The following SLC16A7 variants were observed in gnomAD, a reference collection of about 807,000 sequenced individuals.
SLC16A7 encodes the protein monocarboxylate transporter 2.
SLC16A7 carries 33 observed loss-of-function variants against 34.9 expected under a neutral mutation model. The ratio of observed to expected loss-of-function variants is 0.94; its 90% confidence interval spans 0.72 to 1.26. The LOEUF is 1.26. Ranked by LOEUF, SLC16A7 falls within the 50% of genes most tolerant of loss-of-function variation. The pLI is 0.00. For missense variants in SLC16A7, 573 were observed against 578.1 expected (o/e 0.99, Z 0.09); for synonymous variants, 201 against 206.6 (o/e 0.97, Z 0.23).
At chr12:59,736,862 C>G (rs975618724) in intron 3 of SLC16A7, among the ~76,000 whole-genome samples, 2 of 152,212 alleles carry the variant, frequency 1.3e-5, no homozygotes. Context: ...GCCTTCCAAT[C>G]CCTCCCACTG....
intron 1 of SLC16A7, among the ~76,000 whole-genome samples, chr12:59,618,570 A>G (rs1879560121): frequency 6.6e-6 from 1 of 151,488 alleles, no homozygotes; most frequent in Non-Finnish European, 1.5e-5. Context: ...CTGTAATTAA[A>G]ATAAATATTA....
At chr12:59,710,228 C>A (rs576652172) in intron 3 of SLC16A7, among the ~76,000 whole-genome samples, 1 of 152,296 alleles carries the variant, frequency 6.6e-6, no homozygotes, top group African/African-American at 2.4e-5. Flanking sequence ...ACCTATTAAT[C>A]ACTACTGTGG....
chr12:59,779,787 C>A lies in SLC16A7; in HGVS notation c.*108C>A. 1.2e-6 allele frequency: 1 copy of A among 844,084 alleles called. No homozygotes were observed. Among genetic ancestry groups the A allele is most frequent in the Non-Finnish European group, 1.8e-6 (1 of 556,266 alleles). The allele number at this position is 844,084 out of a possible 1,614,324, so 52.3% of individuals were successfully genotyped here. The stretch of plus-strand genomic sequence containing the variant: ...AGGTTTTAGCTGAAATGAGGAGTCA[C>A]AATTAAGGATGGAGGTGATATTTTC... On this transcript the variant is annotated 3_prime_UTR_variant, in exon 6 of 6. Transcript: ENST00000547379.
chr12:59,774,046 AG>A (rs1882492471), intron 4 of SLC16A7, among the ~76,000 whole-genome samples: 2 of 152,228 alleles, frequency 1.3e-5, no homozygotes, highest in African/African-American at 4.8e-5. Context: ...CTATGTTTCA[AG>A]CAAAAACCTC....
At position 59,771,249 on chromosome 12, in the gene SLC16A7, A is replaced by G; in HGVS notation, c.248A>G (p.Tyr83Cys). 6.2e-7 allele frequency: 1 copy of G among 1,613,318 alleles called. No individual in the cohort carries two copies. The change falls in exon 4 of 6, where the codon TAC becomes TGC. Residue 83 changes from tyrosine (Y) to cysteine (C), a missense_variant. Transcript: ENST00000547379. ...GPVSSVLVNK[Y>C]GSRPVVIAGG... ...GTAAGTAGTGTTTTGGTGAATAAAT[A>G]CGGCAGCCGGCCGGTGGTGATAGCA...
At chr12:59,652,236 A>G (rs1327388209) in intron 1 of SLC16A7, among the ~76,000 whole-genome samples, 3 of 151,990 alleles carry the variant, frequency 2.0e-5, no homozygotes, top group Non-Finnish European at 4.4e-5. Context: ...TTTCACTTTT[A>G]TTATTCTGTA....
At chr12:59,633,100 T>C (rs1233382513) in intron 1 of SLC16A7, among the ~76,000 whole-genome samples, 4 of 152,058 alleles carry the variant, frequency 2.6e-5, no homozygotes, top group Non-Finnish European at 5.9e-5. Flanking sequence ...TACATTTTTC[T>C]GATCCTTGTA....
At position 59,775,031 on chromosome 12, in the gene SLC16A7, G is replaced by A; in HGVS notation, c.736G>A (p.Gly246Arg). ...AGATTTCTCCCTTTTTAAGCATAGA[G>A]GATTTCTGATATATCTGTCTGGAAA... ...YLDFSLFKHR[G>R]FLIYLSGNVI... The change falls in exon 5 of 6, where the codon GGA becomes AGA. Residue 246 changes from glycine (G) to arginine (R), a missense_variant. Physicochemically the swap from Gly to Arg is moderately radical, Grantham distance 125. Coordinates refer to ENST00000547379, the MANE Select transcript of SLC16A7 (RefSeq NM_001270623.2). 2 of 1,614,006 alleles carry A rather than the reference G, an allele frequency of 1.2e-6. No individual in the cohort carries two copies. Among genetic ancestry groups the A allele is most frequent in the South Asian group, 1.1e-5 (1 of 91,070 alleles).
chr12:59,680,705 T>A (rs1870679274), intron 2 of SLC16A7, among the ~76,000 whole-genome samples: 1 of 152,216 alleles, frequency 6.6e-6, no homozygotes, highest in African/African-American at 2.4e-5. Flanking sequence ...TTCATGTTTT[T>A]TTTTTAGCCC....
intron 3 of SLC16A7, among the ~76,000 whole-genome samples, chr12:59,739,043 TA>T (rs1218080431): frequency 2.7e-5 from 4 of 150,128 alleles, no homozygotes; most frequent in Admixed American, 6.7e-5. Flanking sequence ...TTTATTTATT[TA>T]TTTTATTATT....
At chr12:59,753,843 C>G (rs1013735375) in intron 3 of SLC16A7, among the ~76,000 whole-genome samples, 1 of 152,088 alleles carries the variant, frequency 6.6e-6, no homozygotes, top group Admixed American at 6.5e-5. Flanking sequence ...CAAAATTGAC[C>G]ACATACTTGG....
chr12:59,733,563 C>G (rs923550097), intron 3 of SLC16A7, among the ~76,000 whole-genome samples: 1 of 152,144 alleles, frequency 6.6e-6, no homozygotes, highest in South Asian at 2.1e-4. Context: ...GACACAGAGC[C>G]CCAAAGGGTG....
intron 2 of SLC16A7, among the ~76,000 whole-genome samples, chr12:59,696,722 T>C (rs936623426): frequency 2.6e-5 from 4 of 151,872 alleles, no homozygotes; most frequent in African/African-American, 7.3e-5. Context: ...GAGGAAGAGG[T>C]GACAGTGTTG....
intron 2 of SLC16A7, among the ~76,000 whole-genome samples, chr12:59,672,395 C>T (rs947262110): frequency 2.7e-5 from 4 of 150,758 alleles, no homozygotes; most frequent in South Asian, 4.2e-4. Context: ...GCCGGACCAG[C>T]GCTAGGCCTG....
At chr12:59,633,781 T>C (rs765646134) in intron 1 of SLC16A7, among the ~76,000 whole-genome samples, 1 of 150,314 alleles carries the variant, frequency 6.7e-6, no homozygotes, top group Non-Finnish European at 1.5e-5. Context: ...TCAGGGGAGG[T>C]GCTACACTTT....
chr12:59,654,615 A>G (rs1289581673), intron 1 of SLC16A7, among the ~76,000 whole-genome samples: 1 of 151,866 alleles, frequency 6.6e-6, no homozygotes, highest in Admixed American at 6.6e-5. Flanking sequence ...TTTAATTAAG[A>G]CATTAATGTA....
At position 59,709,253 on chromosome 12, in the gene SLC16A7, G is replaced by A. The variant is rs112682453; in HGVS notation, c.217+4235G>A. On this transcript the variant is annotated intron_variant, in intron 3 of 5. Transcript: ENST00000547379. ...TGACTTGGAAGAATCAGCCATTCTG[G>A]AGAGAAGAATTGGCTTTGTCTCCAT... 4.0e-3 allele frequency among the ~76,000 whole-genome samples: 614 copies of A among 151,628 alleles called. 7 individuals carry two copies. Among genetic ancestry groups the A allele is most frequent in the Non-Finnish European group, 6.5e-3 (445 of 67,996 alleles).
intron 1 of SLC16A7, among the ~76,000 whole-genome samples, chr12:59,603,369 C>A (rs1337257046): frequency 4.6e-5 from 7 of 152,196 alleles, no homozygotes; most frequent in Non-Finnish European, 8.8e-5. Flanking sequence ...ATGTTCATCT[C>A]CCACTACCAT....
intron 3 of SLC16A7, chr12:59,733,589 A>G: frequency 2.6e-6 from 1 of 389,500 alleles, no homozygotes; most frequent in South Asian, 1.9e-5. Flanking sequence ...GCCCTGGCTC[A>G]GGGATCCTAG....
Sources: gnomAD v4.1 joint callset for allele counts (sites outside exome capture counted in the v4.1 genomes callset) on GRCh38, gnomAD v4.1.1 for gene constraint, MANE v1.5 for transcripts, NCBI Gene and HGNC (gene_info 2026-07-23, HGNC 2026-07-21) for gene names.